Variants in AGBL4 observed in about 807,000 individuals in gnomAD.
The protein encoded by AGBL4 is cytosolic carboxypeptidase 6.
A neutral mutation model predicts 66.4 loss-of-function variants in AGBL4; 58 were observed. The observed-to-expected ratio is 0.87, with a 90% CI of 0.71 to 1.09. The LOEUF (loss-of-function observed/expected upper bound fraction) is 1.09. Ranked by LOEUF, AGBL4 falls within the 50% of genes least tolerant of loss-of-function variation. The pLI, the probability that AGBL4 is intolerant of heterozygous loss-of-function variation, is 0.00. For missense variants in AGBL4, 579 were observed against 631.0 expected, an observed-to-expected ratio of 0.92 and a Z score of 0.88; for synonymous variants, 234 against 222.9, an observed-to-expected ratio of 1.05 and a Z score of -0.44.
intron 5 of AGBL4, among the ~76,000 whole-genome samples, chr1:49,000,070 T>A (rs1422117445): frequency 2.0e-5 from 3 of 152,196 alleles, no homozygotes; most frequent in Non-Finnish European, 4.4e-5. Context: ...CCTTACTATG[T>A]GCAAAATACT....
intron 2 of AGBL4, among the ~76,000 whole-genome samples, chr1:49,810,980 C>G (rs567646623): frequency 6.6e-6 from 1 of 152,022 alleles, no homozygotes; most frequent in African/African-American, 2.4e-5. Context: ...AATATATAGG[C>G]AATTAAACCA....
At chr1:49,447,236 C>A (rs1214099421) in intron 3 of AGBL4, among the ~76,000 whole-genome samples, 2 of 152,322 alleles carry the variant, frequency 1.3e-5, no homozygotes, top group East Asian at 3.9e-4. Flanking sequence ...TCACTTCTCA[C>A]AGCCCCAAAC....
At chr1:48,652,920 C>G (rs1645954422) in intron 8 of AGBL4, among the ~76,000 whole-genome samples, 1 of 152,174 alleles carries the variant, frequency 6.6e-6, no homozygotes. Context: ...ATCATTATAA[C>G]TACCCCACGA....
intron 6 of AGBL4, among the ~76,000 whole-genome samples, chr1:48,679,733 G>C (rs1219861315): frequency 1.3e-5 from 2 of 152,212 alleles, no homozygotes; most frequent in African/African-American, 2.4e-5. Context: ...AGGTGGTTGT[G>C]ACATTAAGTG....
At chr1:49,794,800 A>C (rs1644690394) in intron 2 of AGBL4, among the ~76,000 whole-genome samples, 1 of 152,024 alleles carries the variant, frequency 6.6e-6, no homozygotes, top group African/African-American at 2.4e-5. Context: ...GAATATTTAT[A>C]AGAACTTCAA....
chr1:49,438,041 G>C (rs1482471598), intron 3 of AGBL4, among the ~76,000 whole-genome samples: 1 of 152,148 alleles, frequency 6.6e-6, no homozygotes, highest in Non-Finnish European at 1.5e-5. Context: ...TAAACGACTT[G>C]TCCCACATCA....
At chr1:48,681,170 T>G (rs1192937767) in intron 6 of AGBL4, among the ~76,000 whole-genome samples, 1 of 152,168 alleles carries the variant, frequency 6.6e-6, no homozygotes, top group Non-Finnish European at 1.5e-5. Flanking sequence ...CTTGGGCAAA[T>G]TTTCCCTTCT....
intron 5 of AGBL4, among the ~76,000 whole-genome samples, chr1:48,915,779 G>A (rs549632990): frequency 1.3e-5 from 2 of 152,258 alleles, no homozygotes; most frequent in African/African-American, 2.4e-5. Context: ...GAATCAAAGA[G>A]GATTTCTCTG....
At chr1:49,403,105 A>T (rs1158032528) in intron 3 of AGBL4, among the ~76,000 whole-genome samples, 2 of 152,158 alleles carry the variant, frequency 1.3e-5, no homozygotes, top group Non-Finnish European at 2.9e-5. Context: ...GCTATATTGT[A>T]TTGGAAAAAA....
intron 6 of AGBL4, among the ~76,000 whole-genome samples, chr1:48,846,401 G>GAAAGA (rs1317038645): frequency 5.8e-4 from 88 of 150,908 alleles, no homozygotes; most frequent in Non-Finnish European, 9.7e-4. Context: ...AAGAAAGAAA[G>GAAAGA]AAAGAAAGAA....
At chr1:49,757,220 T>C (rs1230600387) in intron 2 of AGBL4, among the ~76,000 whole-genome samples, 3 of 152,224 alleles carry the variant, frequency 2.0e-5, no homozygotes, top group Admixed American at 6.5e-5. Flanking sequence ...TCTGCCATGA[T>C]TGTATATTTT....
At chr1:49,723,955 A>G (rs1648811313) in intron 2 of AGBL4, among the ~76,000 whole-genome samples, 1 of 152,160 alleles carries the variant, frequency 6.6e-6, no homozygotes, top group Admixed American at 6.6e-5. Flanking sequence ...TTCCAGGCCT[A>G]AGCTTCTTAT....
chr1:49,846,139 T>C (rs1646136656), intron 2 of AGBL4: 4 of 1,472,194 alleles, frequency 2.7e-6, no homozygotes, highest in Non-Finnish European at 3.8e-6. Context: ...AGAGGATTCA[T>C]ACCAAGGAAA....
chr1:49,435,169 C>T (rs1291815493), intron 3 of AGBL4, among the ~76,000 whole-genome samples: 10 of 152,132 alleles, frequency 6.6e-5, no homozygotes, highest in Non-Finnish European at 1.3e-4. Flanking sequence ...CATTCATTTA[C>T]TTAATGTATG....
chr1:48,818,858 T>C (rs1414902052), intron 6 of AGBL4, among the ~76,000 whole-genome samples: 1 of 152,178 alleles, frequency 6.6e-6, no homozygotes, highest in East Asian at 1.9e-4. Context: ...TTTTCTTGAA[T>C]AGACATATAT....
intron 2 of AGBL4, among the ~76,000 whole-genome samples, chr1:49,766,887 C>A (rs1652770184): frequency 6.6e-6 from 1 of 151,968 alleles, no homozygotes; most frequent in Non-Finnish European, 1.5e-5. Flanking sequence ...GGGTTCAATT[C>A]AACAAGAAGA....
chr1:48,787,136 C>T (rs548832333), intron 6 of AGBL4, among the ~76,000 whole-genome samples: 1 of 152,182 alleles, frequency 6.6e-6, no homozygotes, highest in South Asian at 2.1e-4. Flanking sequence ...GGATTAAAAC[C>T]CAGGCCATGT....
In AGBL4 at chr1:49,935,838, C is replaced by T. The variant is rs536805677; in HGVS notation, c.35-84320G>A. ...CATCCACACCAAAAACCCATCTGTA[C>T]GTCACCATCATCAAAGACCAAAAGT... On this transcript the variant is annotated intron_variant, in intron 1 of 13. Transcript: ENST00000371839. 1.6e-4 allele frequency among the ~76,000 whole-genome samples: 25 copies of T among 152,176 alleles called. No homozygotes were observed. In the South Asian group the frequency reaches 2.9e-3, roughly 18 times the overall value.
At chr1:49,548,946 C>G (rs774636505) in intron 3 of AGBL4, among the ~76,000 whole-genome samples, 24 of 152,012 alleles carry the variant, frequency 1.6e-4, no homozygotes, top group Non-Finnish European at 3.4e-4. Flanking sequence ...ATTTTAATCT[C>G]ATTGTTTGTT....
Sources: allele counts gnomAD v4.1 joint callset (sites outside exome capture counted in the v4.1 genomes callset), GRCh38; gene constraint gnomAD v4.1.1; transcripts MANE v1.5; gene names NCBI Gene and HGNC (gene_info 2026-07-23, HGNC 2026-07-21).